DENND5A: variants seen among roughly 807,000 people sequenced by gnomAD.
DENND5A encodes the protein DENN domain containing 5A, also known as DENN domain-containing protein 5A.
In DENND5A, 64 loss-of-function variants were observed where a neutral mutation model predicts 140.3. That is an observed-to-expected ratio of 0.46 (90% CI 0.37 to 0.56). DENND5A has a LOEUF of 0.56. Among genes scored for constraint, DENND5A ranks in the 20% least tolerant of loss-of-function variants. The pLI is 0.00. For synonymous variants in DENND5A, 605 were observed against 607.7 expected, an observed-to-expected ratio of 1.00 and a Z score of 0.07; for missense variants, 1,292 against 1,593.8, an observed-to-expected ratio of 0.81 and a Z score of 3.22.
chr11:9,254,601 T>A (rs190949450), intron 1 of DENND5A, among the ~76,000 whole-genome samples: 2 of 152,296 alleles, frequency 1.3e-5, no homozygotes, highest in Non-Finnish European at 2.9e-5. Context: ...AGAGCAAAGA[T>A]GCCTTTTTAA....
At chr11:9,190,219 T>C (rs1015708687) in intron 5 of DENND5A, among the ~76,000 whole-genome samples, 1 of 152,248 alleles carries the variant, frequency 6.6e-6, no homozygotes, top group Middle Eastern at 3.4e-3. Context: ...CTATGGACTT[T>C]TGAGTTAATG....
At chr11:9,165,577 C>A (rs1848161985) in intron 11 of DENND5A, among the ~76,000 whole-genome samples, 1 of 152,038 alleles carries the variant, frequency 6.6e-6, no homozygotes, top group Non-Finnish European at 1.5e-5. Flanking sequence ...GTATCTGGGA[C>A]TACAGGTGTG....
At chr11:9,257,021 C>T (rs1288140591) in intron 1 of DENND5A, among the ~76,000 whole-genome samples, 1 of 151,978 alleles carries the variant, frequency 6.6e-6, no homozygotes, top group Non-Finnish European at 1.5e-5. Context: ...CATGTCAATG[C>T]TTCTTTTTCT....
intron 1 of DENND5A, among the ~76,000 whole-genome samples, chr11:9,248,599 C>T (rs73402399): frequency 0.035 from 5,264 of 151,664 alleles, 299 homozygotes; most frequent in African/African-American, 0.12. Context: ...GGCTGAACTG[C>T]GCTGTGATTG....
At chr11:9,151,438 C>CA (rs1847612500) in intron 13 of DENND5A, among the ~76,000 whole-genome samples, 1 of 151,972 alleles carries the variant, frequency 6.6e-6, no homozygotes, top group Admixed American at 6.6e-5. Flanking sequence ...GAAAGCGGGC[C>CA]AAAAAAATTC....
At chr11:9,166,402 C>G (rs1320977143) in intron 10 of DENND5A, among the ~76,000 whole-genome samples, 1 of 152,074 alleles carries the variant, frequency 6.6e-6, no homozygotes. Flanking sequence ...TCTTAGCTGC[C>G]TCTTTCTAGG....
chr11:9,243,116 AC>A lies in DENND5A; in HGVS notation c.109+21844del, dbSNP rs763233094. ...AAAAAAAAAAAAAACAAAAAAAAAA[AC>A]TGAGGCGAGTAAGGCTAATTGGAAT... is the stretch of plus-strand genomic sequence containing the variant. On this transcript the variant is annotated intron_variant, in intron 1 of 22. Coordinates refer to ENST00000328194, the MANE Select transcript of DENND5A (RefSeq NM_015213.4). Among the ~76,000 whole-genome samples the A allele has an allele frequency of 1.1e-4, 16 of 149,014 alleles. 1 individual carries two copies. The highest frequency in any genetic ancestry group is 2.1e-4 in the South Asian group (1 of 4,704).
At chr11:9,164,194 ATTTTTTTTTT>A (rs779522112) in intron 11 of DENND5A, among the ~76,000 whole-genome samples, 32 of 79,064 alleles carry the variant, frequency 4.0e-4, no homozygotes, top group Admixed American at 5.1e-4. Flanking sequence ...ACCACGCCTA[ATTTTTTTTTT>A]TTTTTTTTTT....
At chr11:9,217,991 A>G (rs1466499930) in intron 1 of DENND5A, among the ~76,000 whole-genome samples, 5 of 152,212 alleles carry the variant, frequency 3.3e-5, no homozygotes, top group Admixed American at 3.3e-4. Context: ...AAGGCTGGGC[A>G]GTGGCTCATG....
At chr11:9,187,151 C>T (rs1848942072) in intron 5 of DENND5A, among the ~76,000 whole-genome samples, 1 of 152,100 alleles carries the variant, frequency 6.6e-6, no homozygotes, top group Non-Finnish European at 1.5e-5. Context: ...TTACTACACT[C>T]ATACAATAGT....
rs1554919052 is a variant in DENND5A at position 9,178,920 on chromosome 11, G to A, written c.1609C>T (p.Gln537Ter). 6.2e-7 allele frequency: 1 copy of A among 1,614,036 alleles called. No individual in the cohort carries two copies. The highest frequency in any genetic ancestry group is 8.5e-7 in the Non-Finnish European group (1 of 1,180,012). ...CAGGATTCCTTATCCTGGCTGGGTT[G>A]GATGACAAACACCTCATAATCTGCA... ...MFADYEVFVIQPSQDKESWFT... is the reference protein window; with the variant it reads ...MFADYEVFVI Residue 537 changes from glutamine (Q) to a stop codon, truncating the protein, a stop_gained, in exon 7 of 23, where the codon CAA (glutamine) becomes TAA (stop). Transcript: ENST00000328194. LOFTEE classifies it high-confidence loss of function.
intron 5 of DENND5A, among the ~76,000 whole-genome samples, chr11:9,192,691 G>A (rs2136194501): frequency 6.6e-6 from 1 of 151,976 alleles, no homozygotes; most frequent in African/African-American, 2.4e-5. Context: ...GTGGAAGGAG[G>A]AAACGAAGAG....
intron 1 of DENND5A, among the ~76,000 whole-genome samples, chr11:9,254,028 T>A (rs1414066150): frequency 6.6e-6 from 1 of 151,942 alleles, no homozygotes; most frequent in Non-Finnish European, 1.5e-5. Context: ...TGGTGGCGCA[T>A]GCCTATAATC....
At chr11:9,219,239 C>G in intron 1 of DENND5A, among the ~76,000 whole-genome samples, 1 of 151,894 alleles carries the variant, frequency 6.6e-6, no homozygotes, top group East Asian at 1.9e-4. Flanking sequence ...TGGATGAAAA[C>G]AGACCCACAC....
intron 16 of DENND5A, 127 bp from the exon 17 acceptor site, chr11:9,145,942 C>T (rs761169599): frequency 1.3e-5 from 13 of 1,034,356 alleles, no homozygotes; most frequent in Admixed American, 1.3e-4. Flanking sequence ...CAAGCAGAGC[C>T]CTGGAACAAG....
chr11:9,249,499 G>C (rs765041422), intron 1 of DENND5A, among the ~76,000 whole-genome samples: 9 of 152,060 alleles, frequency 5.9e-5, no homozygotes, highest in Non-Finnish European at 7.4e-5. Flanking sequence ...TGGAGCTGAG[G>C]CACATGCCAT....
intron 5 of DENND5A, among the ~76,000 whole-genome samples, chr11:9,184,021 A>T (rs1848821521): frequency 6.6e-6 from 1 of 151,354 alleles, no homozygotes; most frequent in Admixed American, 6.6e-5. Context: ...ATTGCACTAC[A>T]GCTTGGGCAA....
At chr11:9,255,549 T>C (rs1564944804) in intron 1 of DENND5A, among the ~76,000 whole-genome samples, 1 of 151,166 alleles carries the variant, frequency 6.6e-6, no homozygotes, top group South Asian at 2.1e-4. Flanking sequence ...CTGGCCAACA[T>C]GGTAAAACCC....
chr11:9,247,342 A>G (rs574450593), intron 1 of DENND5A, among the ~76,000 whole-genome samples: 1 of 152,186 alleles, frequency 6.6e-6, no homozygotes, highest in Non-Finnish European at 1.5e-5. Flanking sequence ...CTTTCTTTCA[A>G]TGACTGCAAA....
Sources: allele counts gnomAD v4.1 joint callset (sites outside exome capture counted in the v4.1 genomes callset), GRCh38; gene constraint gnomAD v4.1.1; transcripts MANE v1.5; gene names NCBI Gene and HGNC (gene_info 2026-07-23, HGNC 2026-07-21).